CSMD1: variants seen among roughly 807,000 people sequenced by gnomAD.
The protein encoded by CSMD1 is CUB and Sushi multiple domains 1, also known as CUB and sushi domain-containing protein 1.
A neutral mutation model predicts 417.5 loss-of-function variants in CSMD1; 213 were observed. That is an observed-to-expected ratio of 0.51 (90% confidence interval 0.46 to 0.57). CSMD1 has a LOEUF of 0.57. Among genes scored for constraint, CSMD1 ranks in the 20% least tolerant of loss-of-function variants. The pLI, the probability that CSMD1 is intolerant of heterozygous loss-of-function variation, is 0.00. For missense variants in CSMD1, 6,923 were observed against 4,529.7 expected (o/e 1.53, Z -15.17); for synonymous variants, 2,862 against 1,736.8 (o/e 1.65, Z -16.11).
Position 4,250,768 on chromosome 8 carries a change from G to T in CSMD1, c.415+169185C>A, listed in dbSNP as rs117908221. ...AAAAACTGTAAATATGTATAAATATGCCAGTAACTCAAAAATTACTTTTCT... is the reference window on the plus strand; with the variant it reads ...AAAAACTGTAAATATGTATAAATATTCCAGTAACTCAAAAATTACTTTTCT... On this transcript the variant is annotated intron_variant, in intron 3 of 69. Transcript: ENST00000635120. Among the ~76,000 whole-genome samples the T allele has an allele frequency of 8.7e-3, 1,331 of 152,220 alleles. 12 individuals are homozygous for T. Among genetic ancestry groups the T allele is most frequent in the Middle Eastern group, 0.027 (8 of 294 alleles).
At chr8:3,930,944 A>C (rs1391423786) in intron 5 of CSMD1, among the ~76,000 whole-genome samples, 1 of 150,660 alleles carries the variant, frequency 6.6e-6, no homozygotes, top group Non-Finnish European at 1.5e-5. Context: ...AGGATTCTTA[A>C]AAACCTAAAA....
At chr8:3,178,992 G>C (rs1028136399) in intron 37 of CSMD1, among the ~76,000 whole-genome samples, 10 of 147,428 alleles carry the variant, frequency 6.8e-5, no homozygotes, top group African/African-American at 2.5e-4. Flanking sequence ...CTGTCACCCA[G>C]GCTGGAGTGC....
intron 3 of CSMD1, among the ~76,000 whole-genome samples, chr8:4,150,057 G>A (rs1796487137): frequency 6.6e-6 from 1 of 152,192 alleles, no homozygotes; most frequent in Admixed American, 6.5e-5. Flanking sequence ...GTTGCTGTGG[G>A]TGAAGAAGTT....
rs114971137 is a variant in CSMD1, at chr8:4,525,476, T to C, written c.303-105411A>G. Among the ~76,000 whole-genome samples, 740 of 152,276 alleles carry C rather than the reference T, an allele frequency of 4.9e-3. 5 individuals carry two copies. The highest frequency in any genetic ancestry group is 0.017 in the African/African-American group (718 of 41,552). On this transcript the variant is annotated intron_variant, in intron 2 of 69. Coordinates refer to ENST00000635120, the MANE Select transcript of CSMD1 (RefSeq NM_033225.6). ...TATTACAAATTATGCAGATAACACA[T>C]TGATTTGTCGTAAGAGCAATTTAGC...
chr8:3,802,949 T>C (rs138450271), intron 5 of CSMD1, among the ~76,000 whole-genome samples: 91 of 152,224 alleles, frequency 6.0e-4, no homozygotes, highest in African/African-American at 1.7e-3. Context: ...GACTTGAAAA[T>C]AATCAGCCAA....
intron 2 of CSMD1, among the ~76,000 whole-genome samples, chr8:4,561,601 G>C (rs781258328): frequency 6.6e-6 from 1 of 152,138 alleles, no homozygotes; most frequent in East Asian, 1.9e-4. Context: ...AGGATCCCTT[G>C]AGCCCAGGAG....
chr8:3,664,883 G>A (rs1307797006), intron 7 of CSMD1, among the ~76,000 whole-genome samples: 7 of 152,186 alleles, frequency 4.6e-5, no homozygotes, highest in South Asian at 2.1e-4. Flanking sequence ...GAATTTCAAC[G>A]TCACAAATTC....
chr8:4,470,072 G>A (rs538280054), intron 2 of CSMD1, among the ~76,000 whole-genome samples: 7 of 151,868 alleles, frequency 4.6e-5, no homozygotes, highest in South Asian at 2.1e-4. Flanking sequence ...GGGTTTCACC[G>A]TGTTAGCCAG....
intron 1 of CSMD1, among the ~76,000 whole-genome samples, chr8:4,713,932 G>C (rs1390274197): frequency 6.6e-6 from 1 of 152,052 alleles, no homozygotes; most frequent in Non-Finnish European, 1.5e-5. Context: ...ATCACTTGAG[G>C]TCAGGAGTTC....
intron 3 of CSMD1, among the ~76,000 whole-genome samples, chr8:4,355,117 C>G (rs2128903838): frequency 6.6e-6 from 1 of 151,906 alleles, no homozygotes; most frequent in African/African-American, 2.4e-5. Flanking sequence ...AAAAAATTAG[C>G]CGGGCGTGGT....
At chr8:3,607,588 C>A (rs1003957010) in intron 8 of CSMD1, among the ~76,000 whole-genome samples, 18 of 152,152 alleles carry the variant, frequency 1.2e-4, no homozygotes, top group Non-Finnish European at 1.5e-5. Context: ...GCTAGGAGAT[C>A]ACCAGGCAAT....
intron 3 of CSMD1, among the ~76,000 whole-genome samples, chr8:4,384,084 G>C (rs1261941008): frequency 6.6e-6 from 1 of 152,064 alleles, no homozygotes; most frequent in African/African-American, 2.4e-5. Flanking sequence ...CAGATGGAAT[G>C]GTGTTCCTGT....
At chr8:3,900,666 G>T (rs2975336) in intron 5 of CSMD1, among the ~76,000 whole-genome samples, 2 of 151,840 alleles carry the variant, frequency 1.3e-5, no homozygotes, top group African/African-American at 2.4e-5. Flanking sequence ...GAGTGACAGT[G>T]TAGCTAGGTG....
intron 3 of CSMD1, among the ~76,000 whole-genome samples, chr8:4,178,181 A>G (rs1050547338): frequency 1.3e-5 from 2 of 152,202 alleles, no homozygotes; most frequent in Non-Finnish European, 2.9e-5. Context: ...GAAACCCTCA[A>G]TACGATACTG....
chr8:4,249,558 C>T (rs1169696086), intron 3 of CSMD1, among the ~76,000 whole-genome samples: 2 of 152,146 alleles, frequency 1.3e-5, no homozygotes, highest in East Asian at 1.9e-4. Context: ...ACCTGAGGAG[C>T]GGATCTAACC....
At chr8:3,329,425 G>C (rs947265887) in intron 23 of CSMD1, among the ~76,000 whole-genome samples, 1 of 152,044 alleles carries the variant, frequency 6.6e-6, no homozygotes, top group Admixed American at 6.6e-5. Context: ...TGGAGAGTTC[G>C]AGATGTGTTC....
chr8:4,156,545 C>A (rs904588875), intron 3 of CSMD1, among the ~76,000 whole-genome samples: 1 of 151,976 alleles, frequency 6.6e-6, no homozygotes, highest in Non-Finnish European at 1.5e-5. Context: ...TTACTAAATT[C>A]AAATTCTAAA....
chr8:3,075,808 A>G (rs1172994416), intron 49 of CSMD1, among the ~76,000 whole-genome samples: 3 of 151,564 alleles, frequency 2.0e-5, no homozygotes, highest in Admixed American at 6.6e-5. Context: ...TTGGGAGGCC[A>G]AGGCGGGTGG....
At chr8:3,936,661 T>C (rs771070614) in intron 5 of CSMD1, among the ~76,000 whole-genome samples, 2 of 152,208 alleles carry the variant, frequency 1.3e-5, no homozygotes, top group African/African-American at 4.8e-5. Flanking sequence ...ATATTGCTGC[T>C]CTTTAACAAT....
Sources: gnomAD v4.1 joint callset for allele counts (sites outside exome capture counted in the v4.1 genomes callset) on GRCh38, gnomAD v4.1.1 for gene constraint, MANE v1.5 for transcripts, NCBI Gene and HGNC (gene_info 2026-07-23, HGNC 2026-07-21) for gene names.